The following LHX8 variants were observed in gnomAD, a reference collection of about 807,000 sequenced individuals.
LHX8 encodes the protein LIM homeobox 8.
A neutral mutation model predicts 40.3 loss-of-function variants in LHX8; 12 were observed. The ratio of observed to expected loss-of-function variants is 0.30; its 90% CI spans 0.19 to 0.48. The LOEUF (loss-of-function observed/expected upper bound fraction) is 0.48, where lower values mean the gene tolerates loss of function less well. Ranked by LOEUF, LHX8 falls within the 20% of genes least tolerant of loss-of-function variation. LHX8 has a pLI of 0.99. For missense variants in LHX8, 344 were observed against 433.7 expected (o/e 0.79, Z 1.84); for synonymous variants, 179 against 162.0 (o/e 1.10, Z -0.80).
At chr1:75,177,973 A>T in the LHX8 span, among the ~76,000 whole-genome samples, 1 of 152,182 alleles carries the variant, frequency 6.6e-6, no homozygotes, top group Admixed American at 6.5e-5. Flanking sequence ...GTGATGGATT[A>T]CATTTGTTGA....
chr1:75,130,395 C>A (rs1399395279), upstream of LHX8: 3 of 489,794 alleles, frequency 6.1e-6, no homozygotes, highest in Non-Finnish European at 1.1e-5. Context: ...CCCCAGCTGG[C>A]GCATCAGACC....
the LHX8 span, among the ~76,000 whole-genome samples, chr1:75,172,373 G>T: frequency 1.3e-5 from 2 of 152,192 alleles, no homozygotes; most frequent in Non-Finnish European, 2.9e-5. Context: ...GGGAAGATTT[G>T]ATTGTAGCCA....
At chr1:75,156,493 C>T (rs1051350066) in intron 7 of LHX8, among the ~76,000 whole-genome samples, 5 of 152,134 alleles carry the variant, frequency 3.3e-5, no homozygotes, top group African/African-American at 1.2e-4. Flanking sequence ...CTGCCTGCCT[C>T]AGCCTCCCAA....
In LHX8 at chr1:75,160,938, C is replaced by G. The variant is rs759187701; in HGVS notation, c.*43C>G. ...GACTTGATTAAGGATATAAATTTGT[C>G]ATTTATTATGTATAAAATACCATTG... On this transcript the variant is annotated 3_prime_UTR_variant, in exon 9 of 9. Transcript: ENST00000356261. 6 of 1,358,146 alleles carry G rather than the reference C, an allele frequency of 4.4e-6. No individual in the cohort carries two copies. The highest frequency in any genetic ancestry group is 1.8e-4 in the Middle Eastern group (1 of 5,512). 84.1% of individuals were successfully genotyped at this position (1,358,146 alleles called of 1,614,324 possible).
chr1:75,138,730 G>A (rs1009983526), intron 3 of LHX8, among the ~76,000 whole-genome samples: 4 of 152,164 alleles, frequency 2.6e-5, no homozygotes, highest in African/African-American at 9.6e-5. Flanking sequence ...TTATGATGAA[G>A]TGACATTTAA....
At chr1:75,163,484 G>C (rs1648971789), downstream of LHX8, among the ~76,000 whole-genome samples, 1 of 152,136 alleles carries the variant, frequency 6.6e-6, no homozygotes, top group East Asian at 1.9e-4. Flanking sequence ...TATTAGTGTA[G>C]GAAAAATTCT....
At chr1:75,174,520 C>CAT in the LHX8 span, among the ~76,000 whole-genome samples, 1 of 152,148 alleles carries the variant, frequency 6.6e-6, no homozygotes, top group African/African-American at 2.4e-5. Flanking sequence ...GACACACATG[C>CAT]ATACACACAC....
chr1:75,153,664 C>T (rs1648676179), intron 7 of LHX8, among the ~76,000 whole-genome samples: 1 of 152,202 alleles, frequency 6.6e-6, no homozygotes, highest in Non-Finnish European at 1.5e-5. Context: ...CCACCTCGGC[C>T]TCCCAAAGTG....
the LHX8 span, among the ~76,000 whole-genome samples, chr1:75,180,716 C>T: frequency 6.6e-5 from 10 of 152,292 alleles, no homozygotes; most frequent in East Asian, 9.7e-4. Context: ...AATTCTCAGT[C>T]GTGCTTTGTT....
intron 8 of LHX8, among the ~76,000 whole-genome samples, chr1:75,157,536 T>C (rs1014199973): frequency 2.0e-5 from 3 of 152,336 alleles, no homozygotes; most frequent in Admixed American, 2.0e-4. Context: ...TGTATCCATA[T>C]AGATATTGCC....
chr1:75,133,000 A>G (rs1374183895), upstream of LHX8: 2 of 152,174 alleles, frequency 1.3e-5, no homozygotes, highest in Non-Finnish European at 2.9e-5. Context: ...TGAAAAACAC[A>G]AGTCTTTCTG....
intron 6 of LHX8, among the ~76,000 whole-genome samples, chr1:75,145,358 T>C (rs1189761969): frequency 6.6e-6 from 1 of 152,160 alleles, no homozygotes; most frequent in Non-Finnish European, 1.5e-5. Flanking sequence ...GGACTGGCTG[T>C]AATTTTAATA....
chr1:75,168,414 A>G, the LHX8 span, among the ~76,000 whole-genome samples: 1 of 152,106 alleles, frequency 6.6e-6, no homozygotes, highest in African/African-American at 2.4e-5. Context: ...TTTAGTAGAG[A>G]TGGGGTTTCA....
chr1:75,190,944 A>G, the LHX8 span, among the ~76,000 whole-genome samples: 7 of 152,206 alleles, frequency 4.6e-5, no homozygotes, highest in African/African-American at 1.7e-4. Context: ...GGTGATAGTT[A>G]CATGACTCTG....
At chr1:75,154,967 G>C (rs1648714735) in intron 7 of LHX8, among the ~76,000 whole-genome samples, 1 of 151,976 alleles carries the variant, frequency 6.6e-6, no homozygotes, top group Non-Finnish European at 1.5e-5. Context: ...GTGTAGTTCT[G>C]AAGTAAGGCC....
the LHX8 span, among the ~76,000 whole-genome samples, chr1:75,187,772 G>A: frequency 6.6e-6 from 1 of 152,082 alleles, no homozygotes; most frequent in African/African-American, 2.4e-5. Flanking sequence ...TTGTTCAGTG[G>A]GGTCACCTGA....
intron 1 of LHX8, among the ~76,000 whole-genome samples, chr1:75,136,098 C>CT (rs1648117426): frequency 6.6e-6 from 1 of 152,150 alleles, no homozygotes; most frequent in African/African-American, 2.4e-5. Flanking sequence ...AAAAAGCCCC[C>CT]TTTTTAAAAT....
At chr1:75,186,923 A>G in the LHX8 span, among the ~76,000 whole-genome samples, 1 of 152,142 alleles carries the variant, frequency 6.6e-6, no homozygotes, top group East Asian at 1.9e-4. Flanking sequence ...TTTAACTTAT[A>G]ATTGGAAGCC....
In LHX8 at chr1:75,161,495, G is replaced by C. The variant is rs1443743258; in HGVS notation, c.*600G>C. 6.6e-6 allele frequency: 1 copy of C among 152,622 alleles called. No individual in the cohort carries two copies. The highest frequency in any genetic ancestry group is 1.5e-5 in the Non-Finnish European group (1 of 68,120). The allele number at this position is 152,622 out of a possible 1,614,324, so 9.5% of individuals were successfully genotyped here. ...TATAGTTTAATAAGCCCACCATTCT[G>C]AGTTTATTAAACATTTTCCATTCTT... On this transcript the variant is annotated 3_prime_UTR_variant, in exon 9 of 9. Coordinates refer to ENST00000356261, the MANE Select transcript of LHX8 (RefSeq NM_001256114.2).
Sources: gnomAD v4.1 joint callset for allele counts (sites outside exome capture counted in the v4.1 genomes callset) on GRCh38, gnomAD v4.1.1 for gene constraint, MANE v1.5 for transcripts, NCBI Gene and HGNC (gene_info 2026-07-23, HGNC 2026-07-21) for gene names.